The following GALNT17 variants were observed in gnomAD, a reference collection of about 807,000 sequenced individuals.
GALNT17 encodes polypeptide N-acetylgalactosaminyltransferase 17, also known as UDP-GalNAc:polypeptide N-acetylgalactosaminyltransferase-like 3.
A neutral mutation model predicts 63.7 loss-of-function variants in GALNT17; 29 were observed. The observed-to-expected ratio is 0.46, with a 90% CI of 0.34 to 0.62. The LOEUF is 0.62. Among genes scored for constraint, GALNT17 ranks in the 20% least tolerant of loss-of-function variants. GALNT17 has a pLI of 0.01. For missense variants in GALNT17, 603 were observed against 799.6 expected, an observed-to-expected ratio of 0.75 and a Z score of 2.97; for synonymous variants, 305 against 318.3, an observed-to-expected ratio of 0.96 and a Z score of 0.45.
chr7:71,206,931 C>T (rs1789282497), intron 1 of GALNT17, among the ~76,000 whole-genome samples: 1 of 151,974 alleles, frequency 6.6e-6, no homozygotes, highest in South Asian at 2.1e-4. Flanking sequence ...CAGTGAAACC[C>T]CGTCTTTACT....
At chr7:71,350,965 A>C (rs1178494323) in intron 2 of GALNT17, among the ~76,000 whole-genome samples, 3 of 152,144 alleles carry the variant, frequency 2.0e-5, no homozygotes, top group Non-Finnish European at 4.4e-5. Flanking sequence ...ACATGGCAAA[A>C]TCTCATCTCT....
chr7:71,644,408 G>A (rs552044312), intron 6 of GALNT17, among the ~76,000 whole-genome samples: 3 of 151,104 alleles, frequency 2.0e-5, no homozygotes, highest in South Asian at 4.2e-4. Flanking sequence ...GGTGGCATGC[G>A]CCTGGAATCC....
chr7:71,321,514 A>G (rs1268019872), intron 1 of GALNT17, among the ~76,000 whole-genome samples: 1 of 152,208 alleles, frequency 6.6e-6, no homozygotes, highest in Non-Finnish European at 1.5e-5. Context: ...GCCTTAAGGC[A>G]TGCCTGGTGG....
intron 3 of GALNT17, among the ~76,000 whole-genome samples, chr7:71,414,296 C>G (rs1793485358): frequency 6.6e-6 from 1 of 152,128 alleles, no homozygotes; most frequent in Non-Finnish European, 1.5e-5. Context: ...GAAAGACAAT[C>G]TGTTGTTCAT....
intron 1 of GALNT17, among the ~76,000 whole-genome samples, chr7:71,171,975 C>T (rs1190531174): frequency 3.3e-5 from 5 of 152,192 alleles, no homozygotes; most frequent in Non-Finnish European, 7.3e-5. Flanking sequence ...CCCAGCCCAC[C>T]TATCCAATCT....
chr7:71,134,736 T>TAGA (rs1787749621), intron 1 of GALNT17, among the ~76,000 whole-genome samples: 1 of 151,926 alleles, frequency 6.6e-6, no homozygotes, highest in African/African-American at 2.4e-5. Flanking sequence ...ATTCCTGCTG[T>TAGA]AGACATACCC....
chr7:71,227,825 G>A (rs1219119963), intron 1 of GALNT17, among the ~76,000 whole-genome samples: 2 of 152,132 alleles, frequency 1.3e-5, no homozygotes, highest in Non-Finnish European at 2.9e-5. Context: ...TTGGCTGAGC[G>A]AGTCTGAGAG....
intron 1 of GALNT17, among the ~76,000 whole-genome samples, chr7:71,329,846 A>G (rs891305818): frequency 2.0e-5 from 3 of 151,970 alleles, no homozygotes; most frequent in African/African-American, 7.3e-5. Flanking sequence ...GAGCCAAGCC[A>G]TATCAATGGC....
intron 2 of GALNT17, among the ~76,000 whole-genome samples, chr7:71,357,666 G>C (rs1325014608): frequency 6.6e-6 from 1 of 152,142 alleles, no homozygotes; most frequent in Non-Finnish European, 1.5e-5. Context: ...TAGCACTTTG[G>C]GAGGTCAAGG....
At chr7:71,443,532 C>A (rs1480955840) in intron 5 of GALNT17, among the ~76,000 whole-genome samples, 2 of 152,044 alleles carry the variant, frequency 1.3e-5, no homozygotes, top group African/African-American at 2.4e-5. Flanking sequence ...AAGAGCATGG[C>A]ACTTTCCTTC....
chr7:71,590,145 T>A (rs1055796014), intron 6 of GALNT17, among the ~76,000 whole-genome samples: 1 of 152,166 alleles, frequency 6.6e-6, no homozygotes, highest in Admixed American at 6.5e-5. Flanking sequence ...ATCCATAAAT[T>A]GTATTATATT....
At position 71,133,050 on chromosome 7, in the gene GALNT17, C is replaced by T. The variant is rs746942359; in HGVS notation, c.238+10C>T. 2 of 1,538,496 alleles carry T rather than the reference C, an allele frequency of 1.3e-6. No individual in the cohort carries two copies. Among genetic ancestry groups the T allele is most frequent in the Non-Finnish European group, 8.7e-7 (1 of 1,146,032 alleles). ...TACCGGCAGCTGAATGGTAAGGACG[C>T]ACGCCGGCGCCTCCGGGGCTCGACG... On this transcript the variant is annotated intron_variant, in intron 1 of 10. Coordinates refer to ENST00000333538, the MANE Select transcript of GALNT17 (RefSeq NM_022479.3).
intron 6 of GALNT17, among the ~76,000 whole-genome samples, chr7:71,599,609 T>C (rs544260821): frequency 2.0e-4 from 30 of 152,066 alleles, no homozygotes; most frequent in Middle Eastern, 3.4e-3. Context: ...TTGAGGACCC[T>C]AGAGGGCACT....
At chr7:71,204,022 A>G (rs554841051) in intron 1 of GALNT17, among the ~76,000 whole-genome samples, 1 of 152,218 alleles carries the variant, frequency 6.6e-6, no homozygotes, top group African/African-American at 2.4e-5. Context: ...TTGTTCTAGT[A>G]GTTTAAAAGT....
intron 1 of GALNT17, among the ~76,000 whole-genome samples, chr7:71,209,366 C>A (rs558289134): frequency 6.6e-6 from 1 of 152,274 alleles, no homozygotes; most frequent in East Asian, 1.9e-4. Context: ...TATAGGCTCA[C>A]ATAATCTTCA....
At chr7:71,567,113 G>T (rs1219479376) in intron 5 of GALNT17, among the ~76,000 whole-genome samples, 3 of 152,160 alleles carry the variant, frequency 2.0e-5, no homozygotes, top group Non-Finnish European at 4.4e-5. Context: ...CTTGGGATCA[G>T]TGCTCATTTT....
intron 1 of GALNT17, among the ~76,000 whole-genome samples, chr7:71,180,655 C>T (rs1169537726): frequency 2.6e-5 from 4 of 152,160 alleles, no homozygotes; most frequent in African/African-American, 7.2e-5. Flanking sequence ...TGTTACCTTA[C>T]ACCACTAGAC....
intron 1 of GALNT17, among the ~76,000 whole-genome samples, chr7:71,324,841 A>G (rs1157275667): frequency 1.3e-5 from 2 of 152,194 alleles, no homozygotes; most frequent in South Asian, 2.1e-4. Context: ...TGTACATGTA[A>G]TAATTGAAGT....
intron 5 of GALNT17, among the ~76,000 whole-genome samples, chr7:71,512,259 T>C (rs1211472258): frequency 6.6e-6 from 1 of 151,974 alleles, no homozygotes; most frequent in East Asian, 1.9e-4. Flanking sequence ...CCCGCCTCAC[T>C]CCTCCCAAAG....
Sources: allele counts gnomAD v4.1 joint callset (sites outside exome capture counted in the v4.1 genomes callset), GRCh38; gene constraint gnomAD v4.1.1; transcripts MANE v1.5; gene names NCBI Gene and HGNC (gene_info 2026-07-23, HGNC 2026-07-21).